Variants in TNPO3 observed in about 807,000 individuals in gnomAD.
TNPO3 encodes transportin 3, also known as transportin-3.
A neutral mutation model predicts 122.8 loss-of-function variants in TNPO3; 65 were observed. The observed-to-expected ratio is 0.53, with a 90% CI of 0.43 to 0.65. TNPO3 has a LOEUF of 0.65. TNPO3 is among the 30% of genes least tolerant of loss of function. The pLI is 0.00. For missense variants in TNPO3, 850 were observed against 1,136.7 expected, an observed-to-expected ratio of 0.75 and a Z score of 3.63; for synonymous variants, 372 against 411.2, an observed-to-expected ratio of 0.90 and a Z score of 1.15.
At chr7:128,967,144 T>C (rs1448039568) in intron 21 of TNPO3, 136 bp downstream of exon 21, 3 of 619,050 alleles carry the variant, frequency 4.8e-6, no homozygotes, top group African/African-American at 1.9e-5. Context: ...TCCCACCAGA[T>C]TGGCTTCCAA....
chr7:129,021,691 G>A (rs962563347), intron 1 of TNPO3, among the ~76,000 whole-genome samples: 6 of 152,026 alleles, frequency 3.9e-5, no homozygotes, highest in South Asian at 2.1e-4. Flanking sequence ...AATACCTTAC[G>A]AGGAAAGAAG....
At chr7:129,036,633 TTACAAGA>T (rs1323143890) in intron 1 of TNPO3, among the ~76,000 whole-genome samples, 2 of 152,186 alleles carry the variant, frequency 1.3e-5, no homozygotes, top group Admixed American at 1.3e-4. Context: ...GTCCTTGTTC[TTACAAGA>T]TACAAGTGGA....
chr7:128,996,888 A>G (rs1288971110), intron 8 of TNPO3, among the ~76,000 whole-genome samples: 3 of 151,672 alleles, frequency 2.0e-5, no homozygotes, highest in African/African-American at 7.3e-5. Flanking sequence ...AACTCTTGTT[A>G]TACTGCTGTA....
At chr7:129,053,093 G>A (rs1170564128) in intron 1 of TNPO3, among the ~76,000 whole-genome samples, 1 of 152,162 alleles carries the variant, frequency 6.6e-6, no homozygotes, top group African/African-American at 2.4e-5. Flanking sequence ...GGGAGGCCGA[G>A]GCGGGCGGAT....
chr7:129,024,657 A>G (rs779577424), intron 1 of TNPO3, among the ~76,000 whole-genome samples: 1 of 152,194 alleles, frequency 6.6e-6, no homozygotes, highest in Non-Finnish European at 1.5e-5. Context: ...GAACTGAATC[A>G]TGACAATAAA....
chr7:129,041,825 T>C (rs1193971733), intron 1 of TNPO3: 1 of 798,874 alleles, frequency 1.3e-6, no homozygotes, highest in Admixed American at 6.2e-5. Flanking sequence ...GATATTTCCA[T>C]GACTATGTGA....
In TNPO3 at chr7:128,989,958, T is replaced by A. The variant is rs936598968; in HGVS notation, c.1498+3A>T. 1 of 1,613,356 alleles carries A rather than the reference T, an allele frequency of 6.2e-7. No homozygotes were observed. The highest frequency in any genetic ancestry group is 8.5e-7 in the Non-Finnish European group (1 of 1,179,258). The stretch of plus-strand genomic sequence containing the variant: ...AGTGGCAGAGGAGAGAGATTACACA[T>A]ACCAAGGAACTGAGGATTTCGATCA... On this transcript the variant is annotated splice_donor_region_variant and intron_variant, in intron 11 of 22. Coordinates refer to ENST00000265388, the MANE Select transcript of TNPO3 (RefSeq NM_012470.4).
chr7:128,979,632 G>A (rs1317608411), intron 15 of TNPO3, among the ~76,000 whole-genome samples: 3 of 152,152 alleles, frequency 2.0e-5, no homozygotes, highest in Non-Finnish European at 4.4e-5. Flanking sequence ...AAAAAGTAGA[G>A]GGGAAGTATG....
At chr7:128,989,087 AAAAC>A (rs1800483226) in intron 11 of TNPO3, among the ~76,000 whole-genome samples, 1 of 152,258 alleles carries the variant, frequency 6.6e-6, no homozygotes, top group African/African-American at 2.4e-5. Context: ...AAAACAACAA[AAAAC>A]AAAAACAAAA....
chr7:129,043,492 T>C (rs926874222), intron 1 of TNPO3, among the ~76,000 whole-genome samples: 3 of 152,166 alleles, frequency 2.0e-5, no homozygotes, highest in Non-Finnish European at 2.9e-5. Context: ...CCCGGATTCT[T>C]TGAAATCCCA....
intron 4 of TNPO3, among the ~76,000 whole-genome samples, chr7:129,009,409 G>A (rs1340713298): frequency 2.0e-5 from 3 of 152,210 alleles, no homozygotes; most frequent in Non-Finnish European, 4.4e-5. Context: ...TGGCATTACA[G>A]CCACATGCCT....
At chr7:128,978,279 T>TA (rs1799275699) in intron 16 of TNPO3, among the ~76,000 whole-genome samples, 1 of 152,208 alleles carries the variant, frequency 6.6e-6, no homozygotes, top group South Asian at 2.1e-4. Flanking sequence ...TCTTAATGAC[T>TA]AAAAGAGTCA....
intron 13 of TNPO3, 28 bp downstream of exon 13, chr7:128,984,140 G>C (rs775342589): frequency 7.1e-7 from 1 of 1,408,120 alleles, no homozygotes; most frequent in Non-Finnish European, 9.8e-7. Flanking sequence ...TCTTATATTT[G>C]TTTCACACCT....
Position 128,993,867 on chromosome 7 carries a change from C to T in TNPO3, c.1206G>A (p.Arg402=). 6.2e-7 allele frequency: 1 copy of T among 1,614,038 alleles called. No homozygotes were observed. Among genetic ancestry groups the T allele is most frequent in the Non-Finnish European group, 8.5e-7 (1 of 1,180,004 alleles). Residue 402 remains arginine, a synonymous_variant, in exon 9 of 23, where the codon AGG becomes AGA. Transcript: ENST00000265388. Reference sequence around the variant, plus strand: ...TCAAGTCCTTTACCAGGTCTGATACCCTCATGCGAAACTCCCCAAAGTCAT... The same window carrying T: ...TCAAGTCCTTTACCAGGTCTGATACTCTCATGCGAAACTCCCCAAAGTCAT... ...ETDDFGEFRM[R]VSDLVKDLIF...
At chr7:129,015,200 C>A in intron 3 of TNPO3, 65 bp from the exon 4 acceptor site, 1 of 1,543,238 alleles carries the variant, frequency 6.5e-7, no homozygotes, top group Non-Finnish European at 8.8e-7. Flanking sequence ...CATAAGATAA[C>A]AGCCATCAGA....
rs866060359 is a variant in TNPO3, at chr7:129,003,064, A to G, written c.697-1830T>C. The stretch of plus-strand genomic sequence containing the variant: ...CAAAAAAAAAAAAAAAAAAAAAAAA[A>G]TACAAAAAATTAGCCAGGTGTGGTG... On this transcript the variant is annotated intron_variant, in intron 5 of 22. Coordinates refer to ENST00000265388, the MANE Select transcript of TNPO3 (RefSeq NM_012470.4). Among the ~76,000 whole-genome samples, 412 of 130,464 alleles carry G rather than the reference A, an allele frequency of 3.2e-3. 2 individuals are homozygous for G. Among genetic ancestry groups the G allele is most frequent in the African/African-American group, 0.011 (393 of 35,316 alleles). 85.6% of individuals were successfully genotyped at this position (130,464 alleles called of 152,430 possible).
In TNPO3 at chr7:128,998,395, C is replaced by A. The variant is rs147880929; in HGVS notation, c.1012-860G>T. 3.2e-3 allele frequency among the ~76,000 whole-genome samples: 488 copies of A among 152,292 alleles called. 1 individual carries two copies. Among genetic ancestry groups the A allele is most frequent in the African/African-American group, 0.011 (468 of 41,588 alleles). On this transcript the variant is annotated intron_variant, in intron 7 of 22. Coordinates refer to ENST00000265388, the MANE Select transcript of TNPO3 (RefSeq NM_012470.4). ...TATATTTTCTTTAGAGACAGGGTCG[C>A]CTAGGCTGGAGCACAGTGGCACAAT...
chr7:129,053,494 C>CAAAAA (rs752196402), intron 1 of TNPO3, among the ~76,000 whole-genome samples: 1 of 59,498 alleles, frequency 1.7e-5, no homozygotes, highest in Non-Finnish European at 3.9e-5. Context: ...GACTCTGTCT[C>CAAAAA]AAAAAAAAAA....
At chr7:128,966,938 C>T (rs1308893278) in intron 21 of TNPO3, among the ~76,000 whole-genome samples, 2 of 152,204 alleles carry the variant, frequency 1.3e-5, no homozygotes, top group African/African-American at 4.8e-5. Flanking sequence ...CAGGTACCTA[C>T]ATTCCTGACC....
Sources: gnomAD v4.1 joint callset for allele counts (sites outside exome capture counted in the v4.1 genomes callset) on GRCh38, gnomAD v4.1.1 for gene constraint, MANE v1.5 for transcripts, NCBI Gene and HGNC (gene_info 2026-07-23, HGNC 2026-07-21) for gene names.